Variants in GALNT5 observed in about 807,000 individuals in gnomAD.
The protein encoded by GALNT5 is polypeptide N-acetylgalactosaminyltransferase 5, also known as UDP-GalNAc:polypeptide N-acetylgalactosaminyltransferase 5.
GALNT5 carries 72 observed loss-of-function variants against 85.4 expected under a neutral mutation model. The ratio of observed to expected loss-of-function variants is 0.84; its 90% CI spans 0.70 to 1.03. The LOEUF (loss-of-function observed/expected upper bound fraction) is 1.03, where lower values mean the gene tolerates loss of function less well. Ranked by LOEUF, GALNT5 falls within the 50% of genes least tolerant of loss-of-function variation. The pLI is 0.00. For synonymous variants in GALNT5, 404 were observed against 397.0 expected, an observed-to-expected ratio of 1.02 and a Z score of -0.21; for missense variants, 1,137 against 1,135.5, an observed-to-expected ratio of 1.00 and a Z score of -0.02.
chr2:157,303,807 G>A (rs1683398097), intron 7 of GALNT5, among the ~76,000 whole-genome samples: 2 of 152,204 alleles, frequency 1.3e-5, no homozygotes, highest in African/African-American at 4.8e-5. Context: ...TTCGGTTCTT[G>A]GAAGGATTAT....
At chr2:157,309,513 G>A (rs1001481299) in intron 9 of GALNT5, among the ~76,000 whole-genome samples, 1 of 152,170 alleles carries the variant, frequency 6.6e-6, no homozygotes, top group Admixed American at 6.5e-5. Flanking sequence ...GGCGAGAATA[G>A]TCTCAGAATT....
intron 1 of GALNT5, among the ~76,000 whole-genome samples, chr2:157,262,655 C>A (rs1159184670): frequency 2.2e-5 from 3 of 138,970 alleles, no homozygotes; most frequent in Admixed American, 2.0e-4. Flanking sequence ...ACAACAACAA[C>A]AACAACAATA....
At chr2:157,287,266 T>G (rs147526296) in intron 3 of GALNT5, among the ~76,000 whole-genome samples, 2 of 152,338 alleles carry the variant, frequency 1.3e-5, no homozygotes, top group African/African-American at 4.8e-5. Flanking sequence ...TAGTATCCAT[T>G]GATCATCCTT....
At chr2:157,282,957 T>A (rs1682888608) in intron 1 of GALNT5, among the ~76,000 whole-genome samples, 1 of 152,232 alleles carries the variant, frequency 6.6e-6, no homozygotes, top group Non-Finnish European at 1.5e-5. Flanking sequence ...TTACTATCGT[T>A]TTTGCTCTTA....
chr2:157,286,155 T>C lies in GALNT5; in HGVS notation c.1741+21T>C, dbSNP rs763091923. The stretch of plus-strand genomic sequence containing the variant: ...AACAGGTAAGAAGTTACTCATTTTT[T>C]TGTTTGTTACATTTTTATTTTAATT... On this transcript the variant is annotated intron_variant, in intron 3 of 9. Transcript: ENST00000259056. 11 of 1,598,232 alleles carry C rather than the reference T, an allele frequency of 6.9e-6. 1 individual carries two copies. In the Admixed American group the frequency reaches 1.9e-4, roughly 28 times the overall value.
At chr2:157,294,325 C>T (rs1356980095) in intron 3 of GALNT5, among the ~76,000 whole-genome samples, 1 of 152,152 alleles carries the variant, frequency 6.6e-6, no homozygotes, top group African/African-American at 2.4e-5. Flanking sequence ...ACAAGAGGGG[C>T]ATCTCACTGC....
chr2:157,281,919 C>T (rs78221716), intron 1 of GALNT5, among the ~76,000 whole-genome samples: 3,801 of 152,188 alleles, frequency 0.025, 162 homozygotes, highest in East Asian at 0.13. Context: ...TCTTTCTGTT[C>T]AGAGTACAAA....
In GALNT5 at chr2:157,311,308, C is replaced by CA; in HGVS notation, c.2784dup (p.Tyr929IlefsTer7). 1 of 1,609,818 alleles carries CA rather than the reference C, an allele frequency of 6.2e-7. No individual in the cohort carries two copies. Among genetic ancestry groups the CA allele is most frequent in the Non-Finnish European group, 8.5e-7 (1 of 1,177,776 alleles). On this transcript the variant is annotated frameshift_variant, in exon 10 of 10. Coordinates refer to ENST00000259056, the MANE Select transcript of GALNT5 (RefSeq NM_014568.3). LOFTEE classifies it high-confidence loss of function. ...GTAGCTGCCTGTGACCCAGTGAAGC[C>CA]ATATCAAAAGTGGAAATTTGAAAAA...
At chr2:157,306,009 T>G (rs3816595) in intron 8 of GALNT5, among the ~76,000 whole-genome samples, 180 bp downstream of exon 8, 124,177 of 152,118 alleles carry the variant, frequency 0.82, 52,026 homozygotes, top group South Asian at 0.92. Flanking sequence ...GTGTGGGTCC[T>G]GCAGTCAACT....
At position 157,314,396 on chromosome 2, in the gene GALNT5, ACACAGTT is replaced by A. The variant is rs1683650219; in HGVS notation, c.*3049_*3055del. On this transcript the variant is annotated 3_prime_UTR_variant, in exon 10 of 10. Transcript: ENST00000259056. ...TTCTGCCCTACTCTCTTGTAAGCTG[ACACAGTT>A]GTTGTTGGTACAATCTTGTTCTATC... is the stretch of plus-strand genomic sequence containing the variant. 6.6e-6 allele frequency among the ~76,000 whole-genome samples: 1 copy of A among 152,178 alleles called. No homozygotes were observed. The highest frequency in any genetic ancestry group is 2.4e-5 in the African/African-American group (1 of 41,450).
Position 157,259,490 on chromosome 2 carries a change from G to T in GALNT5, c.1408G>T (p.Asp470Tyr). The change falls in exon 1 of 10, where the codon GAT becomes TAT. Residue 470 changes from aspartate to tyrosine, a missense_variant. Physicochemically the swap from Asp to Tyr is radical, Grantham distance 160 (BLOSUM62 -3). Transcript: ENST00000259056. ...AGGAAACTTCAATGTCTACCTTAGCGATTTGATCCCAGTGGATAGAGCCAT... is the reference window on the plus strand; with the variant it reads ...AGGAAACTTCAATGTCTACCTTAGCTATTTGATCCCAGTGGATAGAGCCAT... ...KEGNFNVYLS[D>Y]LIPVDRAIED... 7.0e-7 allele frequency: 1 copy of T among 1,433,528 alleles called. No homozygotes were observed. The highest frequency in any genetic ancestry group is 9.2e-7 in the Non-Finnish European group (1 of 1,088,108). The allele number at this position is 1,433,528 out of a possible 1,614,324, so 88.8% of individuals were successfully genotyped here.
At chr2:157,293,862 AT>A (rs928851018) in intron 3 of GALNT5, among the ~76,000 whole-genome samples, 38 of 152,286 alleles carry the variant, frequency 2.5e-4, no homozygotes, top group African/African-American at 8.9e-4. Flanking sequence ...TCCTTCTAGC[AT>A]TTTTTAAAGA....
chr2:157,309,128 T>C (rs1683516760), intron 9 of GALNT5, among the ~76,000 whole-genome samples: 1 of 152,050 alleles, frequency 6.6e-6, no homozygotes, highest in Non-Finnish European at 1.5e-5. Context: ...CACTTTAGAG[T>C]GAATCTGGTT....
chr2:157,300,972 G>C lies in GALNT5; in HGVS notation c.2412G>C (p.Arg804Ser), dbSNP rs773397464. Reference sequence around the variant, plus strand: ...TGGAGAATGTCTTTCCTGACTTAAGGGCTCCCATTGTGAGAGCTAGTGGTG... The same window carrying C: ...TGGAGAATGTCTTTCCTGACTTAAGCGCTCCCATTGTGAGAGCTAGTGGTG... ...WYLENVFPDLRAPIVRASGVL... is the reference protein window; with the variant it reads ...WYLENVFPDLSAPIVRASGVL... Residue 804 changes from arginine (R) to serine (S), a missense_variant, in exon 7 of 10, where the codon AGG (arginine) becomes AGC (serine). By Grantham distance (110) the Arg-to-Ser change is moderately radical. Coordinates refer to ENST00000259056, the MANE Select transcript of GALNT5 (RefSeq NM_014568.3). The C allele has an allele frequency of 6.2e-7, 1 of 1,613,704 alleles. No homozygotes were observed. The highest frequency in any genetic ancestry group is 1.1e-5 in the South Asian group (1 of 91,074).
intron 1 of GALNT5, among the ~76,000 whole-genome samples, chr2:157,266,976 A>G (rs1574012146): frequency 6.6e-6 from 1 of 152,352 alleles, no homozygotes; most frequent in Middle Eastern, 3.4e-3. Flanking sequence ...ACTTGGCCAT[A>G]ACCACAGCCC....
intron 1 of GALNT5, among the ~76,000 whole-genome samples, chr2:157,268,177 T>C (rs912551104): frequency 4.6e-5 from 7 of 152,172 alleles, no homozygotes; most frequent in Middle Eastern, 3.2e-3. Context: ...CTTGACTGTC[T>C]CGGAATAAAA....
intron 7 of GALNT5, among the ~76,000 whole-genome samples, chr2:157,305,114 G>A (rs1683426746): frequency 6.6e-6 from 1 of 152,166 alleles, no homozygotes; most frequent in Admixed American, 6.5e-5. Flanking sequence ...TGCATTAAAT[G>A]GTGACTTAAA....
chr2:157,306,646 T>A (rs571799385), intron 8 of GALNT5, among the ~76,000 whole-genome samples: 16 of 152,358 alleles, frequency 1.1e-4, no homozygotes, highest in Non-Finnish European at 2.1e-4. Context: ...AAATTGCAGA[T>A]TGTTCTTTGG....
Position 157,315,549 on chromosome 2 carries a change from G to A in GALNT5, c.*4201G>A, listed in dbSNP as rs1201272187. Among the ~76,000 whole-genome samples the A allele has an allele frequency of 6.6e-6, 1 of 152,106 alleles. No homozygotes were observed. Among genetic ancestry groups the A allele is most frequent in the Non-Finnish European group, 1.5e-5 (1 of 68,018 alleles). On this transcript the variant is annotated 3_prime_UTR_variant, in exon 10 of 10. Coordinates refer to ENST00000259056, the MANE Select transcript of GALNT5 (RefSeq NM_014568.3). ...TAAACCCCTTTGGCCTCTTTTGGAT[G>A]TTGTATAAACAGAAAAAAGAAGCAT...
Sources: gnomAD v4.1 joint callset for allele counts (sites outside exome capture counted in the v4.1 genomes callset) on GRCh38, gnomAD v4.1.1 for gene constraint, MANE v1.5 for transcripts, NCBI Gene and HGNC (gene_info 2026-07-23, HGNC 2026-07-21) for gene names.